Variants in MBTPS1 observed in about 807,000 individuals in gnomAD.
The protein encoded by MBTPS1 is membrane-bound transcription factor site-1 protease.
In MBTPS1, 94 loss-of-function variants were observed where a neutral mutation model predicts 127.8. The ratio of observed to expected loss-of-function variants is 0.74; its 90% confidence interval spans 0.62 to 0.87. MBTPS1 has a LOEUF of 0.87. Ranked by LOEUF, MBTPS1 falls within the 40% of genes least tolerant of loss-of-function variation. The pLI is 0.00. For missense variants in MBTPS1, 1,636 were observed against 1,353.2 expected, an observed-to-expected ratio of 1.21 and a Z score of -3.28; for synonymous variants, 632 against 509.4, an observed-to-expected ratio of 1.24 and a Z score of -3.24.
intron 8 of MBTPS1, among the ~76,000 whole-genome samples, chr16:84,089,686 G>T (rs1026744461): frequency 6.6e-6 from 1 of 152,172 alleles, no homozygotes; most frequent in Non-Finnish European, 1.5e-5. Context: ...AAGTGACGGT[G>T]CCTCAGCCGT....
intron 13 of MBTPS1, 79 bp downstream of exon 13, chr16:84,070,509 C>G (rs1449666957): frequency 4.2e-6 from 6 of 1,421,484 alleles, no homozygotes; most frequent in Non-Finnish European, 5.9e-6. Context: ...AATGGAGACC[C>G]CAGGCATTTG....
intron 1 of MBTPS1, among the ~76,000 whole-genome samples, chr16:84,103,316 C>T (rs1296258842): frequency 6.6e-6 from 1 of 150,544 alleles, no homozygotes; most frequent in Non-Finnish European, 1.5e-5. Context: ...GTGGGTGGCG[C>T]AATCTCTGCA....
At chr16:84,111,911 A>C (rs879629701) in intron 1 of MBTPS1, among the ~76,000 whole-genome samples, 17 of 152,258 alleles carry the variant, frequency 1.1e-4, no homozygotes, top group Non-Finnish European at 2.2e-4. Flanking sequence ...AAAAAAAAAA[A>C]AAAATGCAGC....
Position 84,099,213 on chromosome 16 carries a change from A to G in MBTPS1, c.261T>C (p.Ile87=). The G allele has an allele frequency of 6.2e-7, 1 of 1,614,188 alleles. No homozygotes were observed. Among genetic ancestry groups the G allele is most frequent in the Non-Finnish European group, 8.5e-7 (1 of 1,180,016 alleles). Residue 87 remains isoleucine, a synonymous_variant, in exon 3 of 23, where the codon ATT becomes ATC. Transcript: ENST00000343411. ...LKSSEVDNWR[I]IPRNNPSSDY... ...CACTGGATGGATTGTTTCGAGGTAT[A>G]ATTCTCCAATTGTCTACTTCACTGC... is the stretch of plus-strand genomic sequence containing the variant.
At chr16:84,085,174 T>G in intron 9 of MBTPS1, 40 bp from the exon 10 acceptor site, 4 of 1,604,026 alleles carry the variant, frequency 2.5e-6, no homozygotes, top group South Asian at 1.1e-5. Context: ...TCTCGCACAT[T>G]GGCATACAGC....
chr16:84,060,057 G>C (rs977312625), intron 20 of MBTPS1: 1 of 152,804 alleles, frequency 6.5e-6, no homozygotes, highest in East Asian at 1.9e-4. Context: ...TACGGGCAGC[G>C]CTGTAAGGAC....
rs143238038 is a variant in MBTPS1, at chr16:84,067,751, T to C, written c.2144A>G (p.Asp715Gly). 1 of 1,614,082 alleles carries C rather than the reference T, an allele frequency of 6.2e-7. No homozygotes were observed. Among genetic ancestry groups the C allele is most frequent in the African/African-American group, 1.3e-5 (1 of 75,070 alleles). ...EEIAKLRRDV[D>G]NGLSLVIFSD... ...GAAGATGACGAGCGAGAGGCCGTTG[T>C]CCACGTCCCTCCGGAGCTTGGCGAT... Residue 715 changes from aspartate to glycine, a missense_variant, in exon 16 of 23, where the codon GAC becomes GGC. By Grantham distance (94) the Asp-to-Gly change is moderately conservative. Transcript: ENST00000343411.
rs2085572278 is a variant in MBTPS1 at position 84,059,366 on chromosome 16, G to A, written c.2767C>T (p.Pro923Ser). The change falls in exon 21 of 23, where the codon CCT (proline) becomes TCT (serine). Residue 923 changes from proline (P) to serine (S), a missense_variant. Physicochemically the swap from Pro to Ser is moderately conservative, Grantham distance 74 (BLOSUM62 -1). Transcript: ENST00000343411. Reference protein sequence around the residue: ...EAHLGDPKPRPLPACPRLSWA... With the variant: ...EAHLGDPKPRSLPACPRLSWA... ...GACAAGCGTGGACAGGCTGGTAGAGGCCGAGGTTTTGGGTCTCCCAAATGG... is the reference window on the plus strand; with the variant it reads ...GACAAGCGTGGACAGGCTGGTAGAGACCGAGGTTTTGGGTCTCCCAAATGG... The A allele has an allele frequency of 6.2e-7, 1 of 1,614,168 alleles. No individual in the cohort carries two copies.
chr16:84,074,464 G>T, intron 12 of MBTPS1, 133 bp downstream of exon 12: 1 of 802,300 alleles, frequency 1.2e-6, no homozygotes, highest in Non-Finnish European at 1.9e-6. Context: ...AAAGTCCTGG[G>T]CTCAAGTGAT....
chr16:84,090,914 A>T lies in MBTPS1; in HGVS notation c.992T>A (p.Ile331Asn). The change falls in exon 8 of 23, where the codon ATC (isoleucine) becomes AAC (asparagine). Residue 331 changes from isoleucine to asparagine, a missense_variant. Transcript: ENST00000343411. ...KVWELTANNVIMVSAIGNDGP... is the reference protein window; with the variant it reads ...KVWELTANNVNMVSAIGNDGP... ...GTCATTGCCAATAGCAGAAACCATG[A>T]TTACATTGTTAGCTGTTAATTCCCA... The T allele has an allele frequency of 6.2e-7, 1 of 1,613,116 alleles. No individual in the cohort carries two copies.
intron 13 of MBTPS1, 132 bp from the exon 14 acceptor site, chr16:84,070,170 T>C (rs906098099): frequency 5.9e-5 from 44 of 750,640 alleles, no homozygotes; most frequent in Non-Finnish European, 9.1e-5. Context: ...AACAAATGTC[T>C]GATGAAAGAT....
chr16:84,079,954 T>C (rs1269757530), intron 11 of MBTPS1, among the ~76,000 whole-genome samples: 1 of 152,184 alleles, frequency 6.6e-6, no homozygotes, highest in African/African-American at 2.4e-5. Flanking sequence ...TCTTGATTTC[T>C]TTAGAAGAGG....
At chr16:84,111,540 C>G (rs1375256169) in intron 1 of MBTPS1, among the ~76,000 whole-genome samples, 1 of 134,544 alleles carries the variant, frequency 7.4e-6, no homozygotes, top group Non-Finnish European at 1.6e-5. Context: ...GACTCCATCT[C>G]AAAAAAAAAA....
intron 1 of MBTPS1, among the ~76,000 whole-genome samples, chr16:84,112,899 T>C (rs2151176220): frequency 7.2e-6 from 1 of 138,798 alleles, no homozygotes; most frequent in East Asian, 2.1e-4. Flanking sequence ...CGCTTGAACC[T>C]GGGAGACAGA....
At chr16:84,079,280 T>C (rs1304868756) in intron 11 of MBTPS1, among the ~76,000 whole-genome samples, 6 of 152,198 alleles carry the variant, frequency 3.9e-5, no homozygotes, top group Non-Finnish European at 8.8e-5. Context: ...CTTTTCTTTA[T>C]AAATTACCCA....
At chr16:84,074,223 G>C (rs1374667460) in intron 12 of MBTPS1, among the ~76,000 whole-genome samples, 1 of 151,658 alleles carries the variant, frequency 6.6e-6, no homozygotes, top group African/African-American at 2.4e-5. Context: ...TGGTACCCTA[G>C]ACAGGGCTAT....
At chr16:84,108,483 C>G (rs537432565) in intron 1 of MBTPS1, among the ~76,000 whole-genome samples, 1 of 152,180 alleles carries the variant, frequency 6.6e-6, no homozygotes. Flanking sequence ...AGGCTGGTCT[C>G]GAACTCCTGA....
intron 8 of MBTPS1, among the ~76,000 whole-genome samples, chr16:84,090,027 C>T (rs2086082081): frequency 6.6e-6 from 1 of 152,216 alleles, no homozygotes; most frequent in Admixed American, 6.5e-5. Flanking sequence ...GGACCTCTAA[C>T]AAGGTTCACG....
At chr16:84,081,053 T>C (rs1382670024) in intron 11 of MBTPS1, among the ~76,000 whole-genome samples, 1 of 152,218 alleles carries the variant, frequency 6.6e-6, no homozygotes, top group African/African-American at 2.4e-5. Flanking sequence ...AGAATGGACC[T>C]GTGGGACAAT....
Sources: allele counts gnomAD v4.1 joint callset (sites outside exome capture counted in the v4.1 genomes callset), GRCh38; gene constraint gnomAD v4.1.1; transcripts MANE v1.5; gene names NCBI Gene and HGNC (gene_info 2026-07-23, HGNC 2026-07-21).